BTN3A2: variants seen among roughly 807,000 people sequenced by gnomAD.
BTN3A2 encodes butyrophilin protein.
In BTN3A2, 25 loss-of-function variants were observed where a neutral mutation model predicts 37.6. The observed-to-expected ratio is 0.66, with a 90% CI of 0.48 to 0.93. The LOEUF (loss-of-function observed/expected upper bound fraction) is 0.93. BTN3A2 is among the 40% of genes least tolerant of loss of function. The probability of loss-of-function intolerance (pLI) is 0.00; values close to 1 mark genes in which losing one functional copy is unlikely to be tolerated. For missense variants in BTN3A2, 266 were observed against 410.9 expected, an observed-to-expected ratio of 0.65 and a Z score of 3.05; for synonymous variants, 122 against 159.4, an observed-to-expected ratio of 0.77 and a Z score of 1.77.
rs539931551 is a variant in BTN3A2, at chr6:26,373,588, GAAAAA to G, written c.964+191_964+195del. The G allele has an allele frequency of 6.6e-3, 935 of 140,876 alleles. 1 individual carries two copies. The highest frequency in any genetic ancestry group is 0.014 in the East Asian group (82 of 5,882). The allele number at this position is 140,876 out of a possible 1,614,324, so 8.7% of individuals were successfully genotyped here. On this transcript the variant is annotated intron_variant, in intron 8 of 10. Transcript: ENST00000377708. ...AACCACCCAGTGCTTTTTCTCTCTAGAAAAAAAAAAAAAAAAAAAAGAGGTCTTCA... is the reference window on the plus strand; with the variant it reads ...AACCACCCAGTGCTTTTTCTCTCTAGAAAAAAAAAAAAAAAGAGGTCTTCA...
Position 26,376,686 on chromosome 6 carries a change from T to C in BTN3A2, c.*924T>C, listed in dbSNP as rs976945455. On this transcript the variant is annotated 3_prime_UTR_variant, in exon 11 of 11. Coordinates refer to ENST00000377708, the MANE Select transcript of BTN3A2 (RefSeq NM_007047.5). ...TGACCTACCAGACAACCCTGAGAGA[T>C]TTGAATGGCGTTACTGTGTGCTTGG... The C allele has an allele frequency of 8.8e-5, 135 of 1,541,618 alleles. No homozygotes were observed. Among genetic ancestry groups the C allele is most frequent in the Non-Finnish European group, 6.9e-5 (77 of 1,115,404 alleles).
chr6:26,367,536 T>A (rs540023638), intron 1 of BTN3A2, among the ~76,000 whole-genome samples: 1 of 152,366 alleles, frequency 6.6e-6, no homozygotes, highest in African/African-American at 2.4e-5. Context: ...TCTACCATAG[T>A]GGGTCCAGCC....
intron 5 of BTN3A2, among the ~76,000 whole-genome samples, chr6:26,371,740 G>C (rs1370671038): frequency 2.6e-5 from 4 of 151,798 alleles, no homozygotes; most frequent in Non-Finnish European, 5.9e-5. Flanking sequence ...GTGCAGTGGT[G>C]CAATCTCAGC....
At position 26,377,258 on chromosome 6, in the gene BTN3A2, C is replaced by A; in HGVS notation, c.*1496C>A. 2 of 817,036 alleles carry A rather than the reference C, an allele frequency of 2.4e-6. No homozygotes were observed. Among genetic ancestry groups the A allele is most frequent in the East Asian group, 2.5e-5 (1 of 39,748 alleles). 50.6% of individuals were successfully genotyped at this position (817,036 alleles called of 1,614,324 possible). A position where few individuals can be genotyped will look rare whatever the true frequency, so the allele number is the denominator to read the frequency against. On this transcript the variant is annotated 3_prime_UTR_variant, in exon 11 of 11. Transcript: ENST00000377708. ...GAGCTAAGGGTCTCACCCTCCACAACAGCCAGTCAGAACCATAAAGCTACA... is the reference window on the plus strand; with the variant it reads ...GAGCTAAGGGTCTCACCCTCCACAAAAGCCAGTCAGAACCATAAAGCTACA...
At chr6:26,373,821 G>T (rs1169189938) in intron 8 of BTN3A2, 1 of 186,322 alleles carries the variant, frequency 5.4e-6, no homozygotes, top group African/African-American at 2.3e-5. Context: ...AATCAGAAAA[G>T]AGAGAGGGAG....
rs984854756 is a variant in BTN3A2, at chr6:26,375,819, G to C, written c.*57G>C. 1.4e-5 allele frequency: 22 copies of C among 1,550,004 alleles called. No homozygotes were observed. Among genetic ancestry groups the C allele is most frequent in the Admixed American group, 5.9e-5 (3 of 50,974 alleles). ...CAGGTGAGGAAATGCTTCAGATGAG[G>C]CTCCACCTTGTTAAATAAATTGGAT... On this transcript the variant is annotated 3_prime_UTR_variant, in exon 11 of 11. Transcript: ENST00000377708.
At chr6:26,373,456 C>T (rs757040610) in intron 8 of BTN3A2, 43 bp downstream of exon 8, 3 of 1,579,154 alleles carry the variant, frequency 1.9e-6, no homozygotes, top group Non-Finnish European at 2.6e-6. Context: ...ATCTGTTACT[C>T]TCTCTCTGCT....
intron 8 of BTN3A2, 108 bp downstream of exon 8, chr6:26,373,521 C>G: frequency 7.9e-7 from 1 of 1,272,692 alleles, no homozygotes; most frequent in South Asian, 1.8e-5. Context: ...GGTCTTGGAT[C>G]CCTTTACCCA....
At chr6:26,367,808 G>A (rs148410623) in intron 1 of BTN3A2, among the ~76,000 whole-genome samples, 182 bp from the exon 2 acceptor site, 2,794 of 152,298 alleles carry the variant, frequency 0.018, 36 homozygotes, top group Middle Eastern at 0.037. Flanking sequence ...CACCCACAGA[G>A]CTGAACAAGG....
At position 26,377,156 on chromosome 6, in the gene BTN3A2, A is replaced by G; in HGVS notation, c.*1394A>G. 2 of 1,272,756 alleles carry G rather than the reference A, an allele frequency of 1.6e-6. No homozygotes were observed. The highest frequency in any genetic ancestry group is 4.6e-5 in the East Asian group (2 of 43,194). The allele number at this position is 1,272,756 out of a possible 1,614,324, so 78.8% of individuals were successfully genotyped here. A position where few individuals can be genotyped will look rare whatever the true frequency, so the allele number is the denominator to read the frequency against. The stretch of plus-strand genomic sequence containing the variant: ...TGCCTGATCATTCCCTGGAGATACC[A>G]CTGACCCCAGGCTTAGCTAATGAAA... On this transcript the variant is annotated 3_prime_UTR_variant, in exon 11 of 11. Coordinates refer to ENST00000377708, the MANE Select transcript of BTN3A2 (RefSeq NM_007047.5).
chr6:26,369,604 G>A (rs1210326951), intron 4 of BTN3A2, among the ~76,000 whole-genome samples: 2 of 152,114 alleles, frequency 1.3e-5, no homozygotes, highest in African/African-American at 4.8e-5. Context: ...AGGAGACCAG[G>A]GTGAGACAAA....
At chr6:26,374,112 G>A (rs376162691) in intron 8 of BTN3A2, 55 of 484,760 alleles carry the variant, frequency 1.1e-4, no homozygotes, top group African/African-American at 8.4e-4. Context: ...TGCCACTAGC[G>A]TTCAACCGAT....
chr6:26,370,172 G>A (rs1759955915), intron 4 of BTN3A2, 150 bp from the exon 5 acceptor site: 1 of 1,081,664 alleles, frequency 9.2e-7, no homozygotes, highest in Non-Finnish European at 1.3e-6. Flanking sequence ...AGCAAATTTA[G>A]TTTTCCCCTC....
rs547033648 is a variant in BTN3A2 at position 26,376,691 on chromosome 6, A to G, written c.*929A>G. ...TACCAGACAACCCTGAGAGATTTGAATGGCGTTACTGTGTGCTTGGCTGTG... is the reference window on the plus strand; with the variant it reads ...TACCAGACAACCCTGAGAGATTTGAGTGGCGTTACTGTGTGCTTGGCTGTG... On this transcript the variant is annotated 3_prime_UTR_variant, in exon 11 of 11. Transcript: ENST00000377708. The G allele has an allele frequency of 1.2e-5, 18 of 1,545,724 alleles. No homozygotes were observed. The South Asian group carries it at 2.0e-4, about 17-fold the overall frequency.
chr6:26,373,245 T>G (rs1439556764), intron 6 of BTN3A2, 31 bp from the exon 7 acceptor site: 1 of 1,510,158 alleles, frequency 6.6e-7, no homozygotes, highest in Non-Finnish European at 8.8e-7. Flanking sequence ...ATCTTTTTTT[T>G]TTTTTTTTTT....
chr6:26,375,478 T>G (rs1760627426), intron 10 of BTN3A2: 7 of 654,600 alleles, frequency 1.1e-5, no homozygotes, highest in Non-Finnish European at 7.8e-6. Flanking sequence ...TTAAACGGTG[T>G]GTATCTCCTT....
Position 26,376,285 on chromosome 6 carries a change from T to C in BTN3A2, c.*523T>C, listed in dbSNP as rs1396557585. ...ATAAAGCATCAGTGGGCAGAATCAA[T>C]GTGGGGAGGGAAACAACAAAAATGT... On this transcript the variant is annotated 3_prime_UTR_variant, in exon 11 of 11. Coordinates refer to ENST00000377708, the MANE Select transcript of BTN3A2 (RefSeq NM_007047.5). The C allele has an allele frequency of 5.5e-6, 1 of 182,952 alleles. No individual in the cohort carries two copies. Among genetic ancestry groups the C allele is most frequent in the African/African-American group, 2.6e-5 (1 of 38,790 alleles). The allele number at this position is 182,952 out of a possible 1,614,324, so 11.3% of individuals were successfully genotyped here.
At chr6:26,375,713 C>G (rs554252916) in intron 10 of BTN3A2, 84 bp from the exon 11 acceptor site, 26 of 1,538,756 alleles carry the variant, frequency 1.7e-5, no homozygotes, top group African/African-American at 2.8e-5. Context: ...GAGGAGCTTC[C>G]TTCATGGCCT....
rs147128089 is a variant in BTN3A2 at position 26,371,183 on chromosome 6, A to C, written c.715+580A>C. On this transcript the variant is annotated intron_variant, in intron 5 of 10. Transcript: ENST00000377708. ...AGGCTGAGGCACGAGAATCACTTGA[A>C]CCCAGGAGGCAGACGTTGCAGTGAG... 7.5e-3 allele frequency among the ~76,000 whole-genome samples: 1,146 copies of C among 152,206 alleles called. 13 individuals carry two copies. The highest frequency in any genetic ancestry group is 0.022 in the African/African-American group (906 of 41,526).
Sources: allele counts gnomAD v4.1 joint callset (sites outside exome capture counted in the v4.1 genomes callset), GRCh38; gene constraint gnomAD v4.1.1; transcripts MANE v1.5; gene names NCBI Gene and HGNC (gene_info 2026-07-23, HGNC 2026-07-21).